The following PCDHGB7 variants were observed in gnomAD, a reference collection of about 807,000 sequenced individuals.
PCDHGB7 encodes protocadherin gamma subfamily B, 7, also known as protocadherin gamma-B7.
A neutral mutation model predicts 61.4 loss-of-function variants in PCDHGB7; 37 were observed. The observed-to-expected ratio is 0.60, with a 90% CI of 0.46 to 0.79. The LOEUF (loss-of-function observed/expected upper bound fraction) is 0.79. Ranked by LOEUF, PCDHGB7 falls within the 30% of genes least tolerant of loss-of-function variation. The probability of loss-of-function intolerance (pLI) is 0.00; values close to 1 mark genes in which losing one functional copy is unlikely to be tolerated. For synonymous variants in PCDHGB7, 464 were observed against 503.5 expected, an observed-to-expected ratio of 0.92 and a Z score of 1.05; for missense variants, 1,166 against 1,202.5, an observed-to-expected ratio of 0.97 and a Z score of 0.45.
chr5:141,429,169 TACACACACACACACACACAC>T (rs10667977), intron 1 of PCDHGB7: 4 of 145,394 alleles, frequency 2.8e-5, no homozygotes, highest in Non-Finnish European at 6.0e-5. Flanking sequence ...ACATTGTTTA[TACACACACACACACACACAC>T]ACACACACAC....
At chr5:141,478,850 A>T in intron 1 of PCDHGB7, 1 of 1,376,726 alleles carries the variant, frequency 7.3e-7, no homozygotes, top group South Asian at 1.5e-5. Context: ...AAGCTAAAAC[A>T]CAAGATCTCA....
chr5:141,460,909 G>GGT (rs548378036), intron 1 of PCDHGB7, among the ~76,000 whole-genome samples: 1,853 of 123,260 alleles, frequency 0.015, 18 homozygotes, highest in Non-Finnish European at 0.019. Context: ...AATATTCCAT[G>GGT]GTGTATATAT....
intron 1 of PCDHGB7, chr5:141,423,421 G>A (rs772863950): frequency 1.2e-6 from 2 of 1,614,080 alleles, no homozygotes; most frequent in Non-Finnish European, 1.7e-6. Flanking sequence ...TTCTGAAGGC[G>A]GGTTGGCAGG....
chr5:141,508,062 C>T (rs910730855), intron 3 of PCDHGB7: 2 of 152,316 alleles, frequency 1.3e-5, no homozygotes, highest in African/African-American at 4.8e-5. Flanking sequence ...TAATCAGCCT[C>T]CTTGGGCTAC....
Position 141,419,152 on chromosome 5 carries a change from G to A in PCDHGB7, c.1293G>A (p.Pro431=), listed in dbSNP as rs2096335735. ...TIAATDRGKP[P]LSSSKTITLH... is the part of the protein sequence containing the mutation. ...CAGCCACAGACAGGGGCAAGCCTCC[G>A]TTATCCTCCAGCAAAACCATAACCC... Residue 431 remains proline (P), a synonymous_variant, in exon 1 of 4, where the codon CCG becomes CCA. Coordinates refer to ENST00000398594, the MANE Select transcript of PCDHGB7 (RefSeq NM_018927.4). 1.5e-5 allele frequency: 25 copies of A among 1,613,916 alleles called. No individual in the cohort carries two copies. Among genetic ancestry groups the A allele is most frequent in the East Asian group, 4.5e-5 (2 of 44,880 alleles).
Position 141,432,436 on chromosome 5 carries a change from G to A in PCDHGB7, c.2415+12162G>A, listed in dbSNP as rs753833603. On this transcript the variant is annotated intron_variant, in intron 1 of 3. Coordinates refer to ENST00000398594, the MANE Select transcript of PCDHGB7 (RefSeq NM_018927.4). The surrounding 1 kb of genome is among the most constrained non-coding windows in gnomAD (Gnocchi z 6.0). ...TCGTGCTGGACCAGAACGACAATGC[G>A]CCCGAGATCCTGTACCCCGCCCTCC... The A allele has an allele frequency of 4.3e-6, 7 of 1,614,196 alleles. No homozygotes were observed. The highest frequency in any genetic ancestry group is 1.1e-5 in the South Asian group (1 of 91,084).
chr5:141,435,108 G>A lies in PCDHGB7; in HGVS notation c.2415+14834G>A, dbSNP rs1027955145. ...AACTGATCTGTTTATCTAGGGGGGA[G>A]AAATCTAATTCAATGGAAAATATAA... On this transcript the variant is annotated intron_variant, in intron 1 of 3. Transcript: ENST00000398594. Among the ~76,000 whole-genome samples, 3 of 152,144 alleles carry A rather than the reference G, an allele frequency of 2.0e-5. No homozygotes were observed. In the South Asian group the frequency reaches 6.2e-4, roughly 32 times the overall value.
rs537196945 is a variant in PCDHGB7 at position 141,470,749 on chromosome 5, G to A, written c.2416-24058G>A. 3.9e-5 allele frequency among the ~76,000 whole-genome samples: 6 copies of A among 152,260 alleles called. No individual in the cohort carries two copies. The East Asian group carries it at 7.7e-4, about 20-fold the overall frequency. On this transcript the variant is annotated intron_variant, in intron 1 of 3. Coordinates refer to ENST00000398594, the MANE Select transcript of PCDHGB7 (RefSeq NM_018927.4). ...GTCTTGCTCTGTCGCCCTGGCTGGAGTGCAGTGGACTCACTACAGTCTTGA... is the reference window on the plus strand; with the variant it reads ...GTCTTGCTCTGTCGCCCTGGCTGGAATGCAGTGGACTCACTACAGTCTTGA...
Position 141,419,201 on chromosome 5 carries a change from A to C in PCDHGB7, c.1342A>C (p.Asn448His). ...ITLHITDVND[N>H]APVFGQSAYL... ...CCTGCACATTACTGACGTCAATGAC[A>C]ACGCGCCGGTTTTCGGACAGTCAGC... The change falls in exon 1 of 4, where the codon AAC (asparagine) becomes CAC (histidine). Residue 448 changes from asparagine (N) to histidine (H), a missense_variant. By Grantham distance (68) the Asn-to-His change is moderately conservative. Coordinates refer to ENST00000398594, the MANE Select transcript of PCDHGB7 (RefSeq NM_018927.4). 1 of 1,613,998 alleles carries C rather than the reference A, an allele frequency of 6.2e-7. No individual in the cohort carries two copies. The highest frequency in any genetic ancestry group is 1.1e-5 in the South Asian group (1 of 91,090).
At chr5:141,508,324 G>A (rs1668975090) in intron 3 of PCDHGB7, 1 of 151,252 alleles carries the variant, frequency 6.6e-6, no homozygotes, top group African/African-American at 2.4e-5. Flanking sequence ...GAGGGGCACT[G>A]GAGAACTGAC....
chr5:141,419,203 C>A lies in PCDHGB7; in HGVS notation c.1344C>A (p.Asn448Lys). ...TGCACATTACTGACGTCAATGACAACGCGCCGGTTTTCGGACAGTCAGCCT... is the reference window on the plus strand; with the variant it reads ...TGCACATTACTGACGTCAATGACAAAGCGCCGGTTTTCGGACAGTCAGCCT... ...ITLHITDVND[N>K]APVFGQSAYL... The change falls in exon 1 of 4, where the codon AAC (asparagine) becomes AAA (lysine). Residue 448 changes from asparagine to lysine, a missense_variant. Asn to Lys is a moderately conservative substitution (Grantham distance 94). Coordinates refer to ENST00000398594, the MANE Select transcript of PCDHGB7 (RefSeq NM_018927.4). 6.2e-7 allele frequency: 1 copy of A among 1,613,988 alleles called. No individual in the cohort carries two copies. The highest frequency in any genetic ancestry group is 1.1e-5 in the South Asian group (1 of 91,088).
intron 1 of PCDHGB7, among the ~76,000 whole-genome samples, chr5:141,445,892 T>C (rs2154561169): frequency 6.6e-6 from 1 of 152,346 alleles, no homozygotes; most frequent in African/African-American, 2.4e-5. Context: ...TTAGGAGCTA[T>C]TAAAATATTT....
At chr5:141,475,996 G>T (rs2099383729) in intron 1 of PCDHGB7, 4 of 1,181,402 alleles carry the variant, frequency 3.4e-6, no homozygotes, top group Non-Finnish European at 3.5e-6. Flanking sequence ...GCAAATCAAC[G>T]GCATCCAGAA....
In PCDHGB7 at chr5:141,489,129, T is replaced by G; in HGVS notation, c.2416-5678T>G. On this transcript the variant is annotated intron_variant, in intron 1 of 3. Coordinates refer to ENST00000398594, the MANE Select transcript of PCDHGB7 (RefSeq NM_018927.4). This position sits in a 1 kb window ranked among gnomAD's most constrained non-coding sequence, Gnocchi z 4.5. ...AAGCAGGCAAACCTCCGAGCAGTTT[T>G]TAAGAGGCTGGAAGGAGACATAAGA... 1 of 761,976 alleles carries G rather than the reference T, an allele frequency of 1.3e-6. No homozygotes were observed. The highest frequency in any genetic ancestry group is 2.0e-6 in the Non-Finnish European group (1 of 490,014). The allele number at this position is 761,976 out of a possible 1,614,324, so 47.2% of individuals were successfully genotyped here.
At position 141,422,330 on chromosome 5, in the gene PCDHGB7, C is replaced by T. The variant is rs200342957; in HGVS notation, c.2415+2056C>T. 1,454 of 1,548,164 alleles carry T rather than the reference C, an allele frequency of 9.4e-4. 3 individuals carry two copies. The highest frequency in any genetic ancestry group is 7.9e-4 in the Non-Finnish European group (910 of 1,153,526). On this transcript the variant is annotated intron_variant, in intron 1 of 3. Transcript: ENST00000398594. The stretch of plus-strand genomic sequence containing the variant: ...AACTCTCCTCCAGGTACAGTGATTG[C>T]TCTTCTAAATGTGCAAGATCAAGAT...
In PCDHGB7 at chr5:141,435,189, G is replaced by A. The variant is rs569176993; in HGVS notation, c.2415+14915G>A. Among the ~76,000 whole-genome samples the A allele has an allele frequency of 5.3e-5, 8 of 152,166 alleles. No homozygotes were observed. The South Asian group carries it at 8.3e-4, about 16-fold the overall frequency. On this transcript the variant is annotated intron_variant, in intron 1 of 3. Coordinates refer to ENST00000398594, the MANE Select transcript of PCDHGB7 (RefSeq NM_018927.4). ...GTGGCTTTTAACTACACTTGAGATGGCTAGCAAATTCATAAAGTGAATTTA... is the reference window on the plus strand; with the variant it reads ...GTGGCTTTTAACTACACTTGAGATGACTAGCAAATTCATAAAGTGAATTTA...
chr5:141,419,551 C>T lies in PCDHGB7; in HGVS notation c.1692C>T (p.Tyr564=), dbSNP rs772468979. ...DRNDNAPRVL[Y]PALGPDGSAL... Reference sequence around the variant, plus strand: ...ACGACAACGCACCGCGGGTGCTGTACCCTGCGCTGGGTCCCGACGGCTCCG... The same window carrying T: ...ACGACAACGCACCGCGGGTGCTGTATCCTGCGCTGGGTCCCGACGGCTCCG... The change falls in exon 1 of 4, where the codon TAC becomes TAT. Residue 564 remains tyrosine (Y), a synonymous_variant. Transcript: ENST00000398594. 7 of 1,611,916 alleles carry T rather than the reference C, an allele frequency of 4.3e-6. No individual in the cohort carries two copies. The Admixed American group carries it at 1.2e-4, about 27-fold the overall frequency.
intron 1 of PCDHGB7, among the ~76,000 whole-genome samples, chr5:141,470,624 A>G (rs1421700811): frequency 6.6e-6 from 1 of 152,220 alleles, no homozygotes; most frequent in Non-Finnish European, 1.5e-5. Flanking sequence ...TCATGCTTAG[A>G]TAGGCCCCCT....
rs1348785166 is a variant in PCDHGB7, at chr5:141,431,381, C to T, written c.2415+11107C>T. On this transcript the variant is annotated intron_variant, in intron 1 of 3. Coordinates refer to ENST00000398594, the MANE Select transcript of PCDHGB7 (RefSeq NM_018927.4). The surrounding 1 kb of genome is among the most constrained non-coding windows in gnomAD (Gnocchi z 4.8). Reference sequence around the variant, plus strand: ...CCTGGACCGCGAAGAAAAGGCTGCTCACCACCTGGTCCTTACGGCCTCCGA... The same window carrying T: ...CCTGGACCGCGAAGAAAAGGCTGCTTACCACCTGGTCCTTACGGCCTCCGA... 1.2e-6 allele frequency: 2 copies of T among 1,613,940 alleles called. No homozygotes were observed. Among genetic ancestry groups the T allele is most frequent in the Non-Finnish European group, 1.7e-6 (2 of 1,180,042 alleles).
Sources: gnomAD v4.1 joint callset for allele counts (sites outside exome capture counted in the v4.1 genomes callset) on GRCh38, gnomAD v4.1.1 for gene constraint, Gnocchi (gnomAD v3.1) non-coding constraint, MANE v1.5 for transcripts, NCBI Gene and HGNC (gene_info 2026-07-23, HGNC 2026-07-21) for gene names.